Variants in ATXN8OS observed in about 807,000 individuals in gnomAD.
ATXN8OS encodes the protein ATXN8 opposite strand lncRNA, also known as ATXN8 opposite strand (non-protein coding).
intron 3 of ATXN8OS, among the ~76,000 whole-genome samples, chr13:70,147,246 C>T (rs1382401692): frequency 6.6e-6 from 1 of 152,138 alleles, no homozygotes; most frequent in Non-Finnish European, 1.5e-5. Flanking sequence ...TATAAGAATG[C>T]TAATTAAACT....
intron 4 of ATXN8OS, among the ~76,000 whole-genome samples, chr13:70,165,310 G>T (rs946892094): frequency 3.3e-5 from 5 of 151,680 alleles, no homozygotes; most frequent in African/African-American, 1.2e-4. Flanking sequence ...ACTAGGAGAA[G>T]AAATAGTGAT....
chr13:70,169,108 C>T (rs1185832267), intron 4 of ATXN8OS, among the ~76,000 whole-genome samples: 1 of 151,916 alleles, frequency 6.6e-6, no homozygotes, highest in Admixed American at 6.6e-5. Flanking sequence ...TTATCATATA[C>T]ATAAGATAAT....
chr13:70,170,706 A>T (rs1430143346), exon 5 of ATXN8OS, among the ~76,000 whole-genome samples: 1 of 152,186 alleles, frequency 6.6e-6, no homozygotes, highest in African/African-American at 2.4e-5. Flanking sequence ...ATTTATTTAC[A>T]TATAAAATGA....
At chr13:70,142,112 G>A (rs758238435) in intron 3 of ATXN8OS, among the ~76,000 whole-genome samples, 1 of 152,082 alleles carries the variant, frequency 6.6e-6, no homozygotes, top group Non-Finnish European at 1.5e-5. Context: ...TCAAACTCCT[G>A]ACCTCAGGTG....
intron 4 of ATXN8OS, among the ~76,000 whole-genome samples, chr13:70,160,989 A>C (rs2137504804): frequency 6.6e-6 from 1 of 151,534 alleles, no homozygotes; most frequent in East Asian, 1.9e-4. Context: ...AGATGTTATT[A>C]TGACATATCG....
At chr13:70,160,642 G>A (rs1888996398) in intron 4 of ATXN8OS, among the ~76,000 whole-genome samples, 1 of 147,354 alleles carries the variant, frequency 6.8e-6, no homozygotes, top group African/African-American at 2.5e-5. Flanking sequence ...TAAAATCAGA[G>A]AAGTTTATAC....
At chr13:70,149,363 T>C (rs1239341676) in intron 4 of ATXN8OS, among the ~76,000 whole-genome samples, 1 of 152,128 alleles carries the variant, frequency 6.6e-6, no homozygotes, top group African/African-American at 2.4e-5. Context: ...CATAGGATTG[T>C]AATAACATTA....
intron 3 of ATXN8OS, among the ~76,000 whole-genome samples, chr13:70,141,287 T>C (rs929142306): frequency 7.9e-5 from 12 of 152,312 alleles, no homozygotes; most frequent in Admixed American, 5.2e-4. Context: ...ATATTAAATC[T>C]ATAGTGTCTG....
At chr13:70,163,997 GTGCT>G (rs1889042513) in intron 4 of ATXN8OS, among the ~76,000 whole-genome samples, 1 of 149,674 alleles carries the variant, frequency 6.7e-6, no homozygotes, top group African/African-American at 2.4e-5. Flanking sequence ...GATGTGTAGG[GTGCT>G]TGAATCAGTT....
chr13:70,119,958 T>G (rs2137474388), intron 2 of ATXN8OS, among the ~76,000 whole-genome samples: 1 of 152,156 alleles, frequency 6.6e-6, no homozygotes, highest in East Asian at 1.9e-4. Context: ...GTCCCAAGCA[T>G]TTTGGAATAT....
At chr13:70,111,239 A>T (rs1002975967) in intron 1 of ATXN8OS, among the ~76,000 whole-genome samples, 2 of 152,240 alleles carry the variant, frequency 1.3e-5, no homozygotes, top group African/African-American at 4.8e-5. Flanking sequence ...TTAAACAATA[A>T]GCAAAATTGG....
At chr13:70,147,360 T>C (rs570415770) in exon 4 of ATXN8OS, among the ~76,000 whole-genome samples, 4 of 152,286 alleles carry the variant, frequency 2.6e-5, no homozygotes, top group Admixed American at 6.5e-5. Flanking sequence ...CCTAGTTCTA[T>C]ATCTGGATAA....
In ATXN8OS at chr13:70,139,100, G is replaced by A. The variant is rs145107980; in HGVS notation, n.500-8255G>A. The A allele has an allele frequency of 5.6e-3, 2,249 of 400,536 alleles. 8 individuals are homozygous for A. The highest frequency in any genetic ancestry group is 7.9e-3 in the Non-Finnish European group (1,792 of 227,246). 24.8% of individuals were successfully genotyped at this position (400,536 alleles called of 1,614,324 possible). ...TATGAGAAGTACCTATCATATTTTG[G>A]TAAATAATACCTTTAGGTTTTTCCT... On this transcript the variant is annotated intron_variant and non_coding_transcript_variant, in intron 3 of 4. Coordinates refer to ENST00000678624, the Ensembl canonical transcript of ATXN8OS.
At position 70,134,529 on chromosome 13, in the gene ATXN8OS, C is replaced by T. The variant is rs1004774422; in HGVS notation, n.499+4645C>T. ...CACTGGTTACCATGCCAGGGAAGGA[C>T]TCCAACTACATGGAGGATAGCAAAG... On this transcript the variant is annotated intron_variant and non_coding_transcript_variant, in intron 3 of 4. Coordinates refer to ENST00000678624, the Ensembl canonical transcript of ATXN8OS. Among the ~76,000 whole-genome samples the T allele has an allele frequency of 9.8e-5, 15 of 152,292 alleles. No individual in the cohort carries two copies. In the South Asian group the frequency reaches 2.9e-3, roughly 29 times the overall value.
intron 1 of ATXN8OS, among the ~76,000 whole-genome samples, chr13:70,110,571 A>G (rs1888185692): frequency 6.6e-6 from 1 of 151,954 alleles, no homozygotes; most frequent in Non-Finnish European, 1.5e-5. Context: ...AGAAAAAAGA[A>G]AGAGGGAGAG....
intron 3 of ATXN8OS, among the ~76,000 whole-genome samples, chr13:70,134,270 T>C (rs982231075): frequency 2.0e-4 from 30 of 152,162 alleles, no homozygotes; most frequent in African/African-American, 6.0e-4. Flanking sequence ...AGAAGAGCAA[T>C]TGCAATCTCT....
At chr13:70,142,364 T>C (rs1888729520) in intron 3 of ATXN8OS, among the ~76,000 whole-genome samples, 1 of 152,228 alleles carries the variant, frequency 6.6e-6, no homozygotes, top group Non-Finnish European at 1.5e-5. Flanking sequence ...GCATTTAAAA[T>C]TGTTATTAAT....
chr13:70,170,351 T>G (rs560708479), exon 5 of ATXN8OS, among the ~76,000 whole-genome samples: 1 of 152,202 alleles, frequency 6.6e-6, no homozygotes, highest in African/African-American at 2.4e-5. Flanking sequence ...TCCAATAAAA[T>G]AACTTCAACA....
At chr13:70,107,454 C>A (rs1259294910), upstream of ATXN8OS, 7 of 1,613,878 alleles carry the variant, frequency 4.3e-6, no homozygotes, top group East Asian at 2.2e-5. Flanking sequence ...AGGAAGAGGA[C>A]GGGGAGGACG....
Sources: allele counts gnomAD v4.1 joint callset (sites outside exome capture counted in the v4.1 genomes callset), GRCh38; gene constraint gnomAD v4.1.1; transcripts MANE v1.5; gene names NCBI Gene and HGNC (gene_info 2026-07-23, HGNC 2026-07-21).